Variants in NBEA observed in about 807,000 individuals in gnomAD.
NBEA encodes lysosomal-trafficking regulator 2.
Under a neutral mutation model 343.4 loss-of-function variants are expected in NBEA, and 44 were observed. The observed-to-expected ratio is 0.13, with a 90% CI of 0.10 to 0.16. NBEA has a LOEUF of 0.16. NBEA is among the 10% of genes least tolerant of loss of function. The probability of loss-of-function intolerance (pLI) is 1.00; values close to 1 mark genes in which losing one functional copy is unlikely to be tolerated. For missense variants in NBEA, 2,555 were observed against 3,631.3 expected (o/e 0.70, Z 7.62); for synonymous variants, 1,175 against 1,238.7 (o/e 0.95, Z 1.08).
rs190237132 is a variant in NBEA at position 35,337,918 on chromosome 13, T to C, written c.5904-11190T>C. On this transcript the variant is annotated intron_variant, in intron 36 of 58. Coordinates refer to ENST00000379939, the MANE Select transcript of NBEA (RefSeq NM_001385012.1). Reference sequence around the variant, plus strand: ...TTACAAGAGAAATGACATAATACTTTGAAGAAATGAAAAAAAATCAAAACT... The same window carrying C: ...TTACAAGAGAAATGACATAATACTTCGAAGAAATGAAAAAAAATCAAAACT... Among the ~76,000 whole-genome samples, 615 of 151,932 alleles carry C rather than the reference T, an allele frequency of 4.0e-3. 4 individuals are homozygous for C. Among genetic ancestry groups the C allele is most frequent in the African/African-American group, 0.014 (595 of 41,470 alleles).
intron 1 of NBEA, among the ~76,000 whole-genome samples, chr13:35,029,504 A>G (rs1296781128): frequency 6.6e-6 from 1 of 151,676 alleles, no homozygotes; most frequent in Non-Finnish European, 1.5e-5. Flanking sequence ...TGGGAATTAG[A>G]AAAAACTGAG....
chr13:35,480,162 G>A (rs1216475040), intron 41 of NBEA, among the ~76,000 whole-genome samples: 2 of 151,302 alleles, frequency 1.3e-5, no homozygotes, highest in African/African-American at 4.9e-5. Context: ...TTAACACTTC[G>A]AAGCGTTCGA....
At chr13:35,648,101 C>T (rs1352190577) in intron 51 of NBEA, among the ~76,000 whole-genome samples, 1 of 151,184 alleles carries the variant, frequency 6.6e-6, no homozygotes, top group Non-Finnish European at 1.5e-5. Flanking sequence ...TGGTCTTGAA[C>T]TCCTGGGGAC....
intron 38 of NBEA, among the ~76,000 whole-genome samples, chr13:35,422,418 G>A (rs980235803): frequency 2.6e-4 from 40 of 150,986 alleles, no homozygotes; most frequent in Non-Finnish European, 4.1e-4. Flanking sequence ...TTGTCCTTGC[G>A]ATAGTCTGCT....
At chr13:35,424,592 A>C (rs2044527383) in intron 38 of NBEA, among the ~76,000 whole-genome samples, 1 of 152,150 alleles carries the variant, frequency 6.6e-6, no homozygotes, top group African/African-American at 2.4e-5. Flanking sequence ...TTCATCAAGG[A>C]TATTGGTCTA....
intron 1 of NBEA, among the ~76,000 whole-genome samples, chr13:35,032,283 C>G (rs1317768712): frequency 6.6e-6 from 1 of 151,752 alleles, no homozygotes. Flanking sequence ...CATAAGTGTT[C>G]CCCTTTCTTT....
At chr13:35,177,489 TACTG>T (rs971106810) in intron 28 of NBEA, among the ~76,000 whole-genome samples, 5 of 151,836 alleles carry the variant, frequency 3.3e-5, no homozygotes, top group Non-Finnish European at 5.9e-5. Flanking sequence ...CATTAGGTGT[TACTG>T]ACAATTACTT....
In NBEA at chr13:35,161,965, G is replaced by A; in HGVS notation, c.4077G>A (p.Arg1359=). ...TAGAAACTGATGTACATGTTTGGAGGAGGTAGAAATATTTCTTTTTTATAA... is the reference window on the plus strand; with the variant it reads ...TAGAAACTGATGTACATGTTTGGAGAAGGTAGAAATATTTCTTTTTTATAA... ...FALETDVHVW[R]SHSTKSVMDF... Residue 1359 remains arginine (R), a splice_region_variant and synonymous_variant, in exon 23 of 59, where the codon AGG becomes AGA. Transcript: ENST00000379939. 1.3e-6 allele frequency: 2 copies of A among 1,540,766 alleles called. No individual in the cohort carries two copies. The highest frequency in any genetic ancestry group is 1.8e-6 in the Non-Finnish European group (2 of 1,138,854).
chr13:35,093,519 A>G (rs1315499436), intron 10 of NBEA, among the ~76,000 whole-genome samples: 1 of 151,922 alleles, frequency 6.6e-6, no homozygotes, highest in Non-Finnish European at 1.5e-5. Context: ...TTTCTCTTAA[A>G]TAGGTTGGGG....
intron 41 of NBEA, among the ~76,000 whole-genome samples, chr13:35,528,833 G>A (rs1297794529): frequency 6.6e-6 from 1 of 152,088 alleles, no homozygotes; most frequent in African/African-American, 2.4e-5. Flanking sequence ...GGAACTCATG[G>A]TCTTTTTCTA....
chr13:35,272,994 C>T (rs2034286401), intron 34 of NBEA, among the ~76,000 whole-genome samples: 1 of 152,128 alleles, frequency 6.6e-6, no homozygotes, highest in Non-Finnish European at 1.5e-5. Flanking sequence ...AGCTCTGCAC[C>T]AAGCAGACCT....
intron 39 of NBEA, among the ~76,000 whole-genome samples, chr13:35,450,364 G>T (rs1264010781): frequency 6.6e-6 from 1 of 152,014 alleles, no homozygotes; most frequent in East Asian, 1.9e-4. Flanking sequence ...GTATACATCT[G>T]TGGTCCCACC....
intron 33 of NBEA, among the ~76,000 whole-genome samples, chr13:35,223,420 CTT>C (rs2074484031): frequency 6.6e-6 from 1 of 152,072 alleles, no homozygotes; most frequent in South Asian, 2.1e-4. Flanking sequence ...AAATTGTGGA[CTT>C]ATGTAATTTT....
intron 6 of NBEA, among the ~76,000 whole-genome samples, chr13:35,052,285 T>C (rs1593593715): frequency 6.6e-6 from 1 of 152,048 alleles, no homozygotes; most frequent in African/African-American, 2.4e-5. Flanking sequence ...CAAAAAGAAA[T>C]CTTTACATTA....
chr13:35,624,026 ATGTGTGTGTATATGCC>A (rs1319461875), intron 48 of NBEA, among the ~76,000 whole-genome samples: 1 of 145,554 alleles, frequency 6.9e-6, no homozygotes, highest in African/African-American at 2.6e-5. Flanking sequence ...ATGTTATTAA[ATGTGTGTGTATATGCC>A]TGTGTGTGTG....
intron 45 of NBEA, among the ~76,000 whole-genome samples, chr13:35,581,905 GA>G (rs66496898): frequency 0.36 from 43,494 of 121,324 alleles, 8,047 homozygotes; most frequent in Middle Eastern, 0.55. Context: ...AAAAAGAAAA[GA>G]AAAAAAAAGA....
At chr13:35,479,524 A>G (rs1165864387) in intron 41 of NBEA, among the ~76,000 whole-genome samples, 3 of 152,184 alleles carry the variant, frequency 2.0e-5, no homozygotes, top group Non-Finnish European at 4.4e-5. Context: ...TGCAAATAAC[A>G]GTACATTTTT....
intron 1 of NBEA, among the ~76,000 whole-genome samples, chr13:35,012,605 G>A (rs1217709932): frequency 2.0e-5 from 3 of 152,206 alleles, no homozygotes; most frequent in African/African-American, 7.2e-5. Context: ...GATTTAGTAA[G>A]TGACAGGGTT....
chr13:35,097,692 A>T, intron 10 of NBEA, among the ~76,000 whole-genome samples: 1 of 151,900 alleles, frequency 6.6e-6, no homozygotes, highest in East Asian at 1.9e-4. Flanking sequence ...TTGTTTATAT[A>T]TTGTGTAATT....
Sources: allele counts gnomAD v4.1 joint callset (sites outside exome capture counted in the v4.1 genomes callset), GRCh38; gene constraint gnomAD v4.1.1; transcripts MANE v1.5; gene names NCBI Gene and HGNC (gene_info 2026-07-23, HGNC 2026-07-21).